The following SPMIP7 variants were observed in gnomAD, a reference collection of about 807,000 sequenced individuals.
The protein encoded by SPMIP7 is sperm microtubule inner protein 7, also known as protein SPMIP7.
the SPMIP7 span, among the ~76,000 whole-genome samples, chr7:50,139,948 C>T: frequency 2.0e-5 from 3 of 152,256 alleles, no homozygotes; most frequent in African/African-American, 7.2e-5. Flanking sequence ...TATATGATTC[C>T]ATTTATTTGA....
At chr7:50,151,123 T>G in the SPMIP7 span, among the ~76,000 whole-genome samples, 1 of 152,262 alleles carries the variant, frequency 6.6e-6, no homozygotes, top group African/African-American at 2.4e-5. Context: ...CAAGACCTGG[T>G]ATCTTCCTTC....
At chr7:50,125,583 ATGGTG>A in the SPMIP7 span, among the ~76,000 whole-genome samples, 14 of 110,276 alleles carry the variant, frequency 1.3e-4, no homozygotes, top group African/African-American at 4.5e-4. Context: ...TAAAGAAAAT[ATGGTG>A]TGTGTGTGTG....
At chr7:50,129,675 T>G in the SPMIP7 span, 1 of 1,267,088 alleles carries the variant, frequency 7.9e-7, no homozygotes, top group Non-Finnish European at 1.1e-6. Flanking sequence ...ACAATTTCCA[T>G]TTATATTTGG....
At chr7:50,158,943 C>T in the SPMIP7 span, 3 of 1,243,954 alleles carry the variant, frequency 2.4e-6, no homozygotes, top group Non-Finnish European at 3.4e-6. Flanking sequence ...GTGCGCGCTC[C>T]CCTCCCCTTC....
chr7:50,158,764 C>T, the SPMIP7 span, among the ~76,000 whole-genome samples: 1 of 152,048 alleles, frequency 6.6e-6, no homozygotes, highest in Non-Finnish European at 1.5e-5. Flanking sequence ...AGAGCTCTCC[C>T]CAGCGTGCCC....
chr7:50,110,782 T>A, the SPMIP7 span, among the ~76,000 whole-genome samples: 5 of 114,836 alleles, frequency 4.4e-5, no homozygotes, highest in Non-Finnish European at 8.3e-5. Flanking sequence ...TAATGTATAA[T>A]TATAACTAAT....
At chr7:50,102,047 G>A in the SPMIP7 span, among the ~76,000 whole-genome samples, 3 of 152,294 alleles carry the variant, frequency 2.0e-5, no homozygotes, top group South Asian at 2.1e-4. Flanking sequence ...TTTGCCGGGC[G>A]CAGCCGTGGC....
chr7:50,104,251 G>A, the SPMIP7 span: 1 of 733,302 alleles, frequency 1.4e-6, no homozygotes, highest in Non-Finnish European at 2.2e-6. Context: ...AAATATTTCT[G>A]TTGAAAAAGA....
the SPMIP7 span, chr7:50,140,154 C>A: frequency 1.3e-6 from 2 of 1,504,936 alleles, no homozygotes; most frequent in Non-Finnish European, 1.8e-6. Flanking sequence ...AGTTCAAGTT[C>A]TAGAAGTAAA....
At chr7:50,121,910 A>G in the SPMIP7 span, among the ~76,000 whole-genome samples, 1 of 151,376 alleles carries the variant, frequency 6.6e-6, no homozygotes, top group African/African-American at 2.4e-5. Context: ...TCCGGCCTCG[A>G]CCTCCCAAAG....
At chr7:50,158,900 C>G in the SPMIP7 span, 2 of 740,752 alleles carry the variant, frequency 2.7e-6, no homozygotes, top group Non-Finnish European at 4.4e-6. Context: ...CTGAGTGCTC[C>G]CCAGCACGAG....
the SPMIP7 span, among the ~76,000 whole-genome samples, chr7:50,118,091 T>C: frequency 8.5e-5 from 13 of 152,204 alleles, no homozygotes; most frequent in South Asian, 6.2e-4. Context: ...CTCTGTAAGA[T>C]TGATCCAAGT....
chr7:50,133,482 G>A, the SPMIP7 span, among the ~76,000 whole-genome samples: 2 of 152,136 alleles, frequency 1.3e-5, no homozygotes, highest in Non-Finnish European at 2.9e-5. Flanking sequence ...TCCTCTGAAG[G>A]TCAAATGAGC....
the SPMIP7 span, among the ~76,000 whole-genome samples, chr7:50,125,115 T>TATATATATATATATATATACAC: frequency 5.5e-4 from 14 of 25,416 alleles, no homozygotes; most frequent in South Asian, 0.011. Context: ...TATATATATA[T>TATATATATATATATATATACAC]ACACACACAC....
At chr7:50,147,471 T>C in the SPMIP7 span, among the ~76,000 whole-genome samples, 1 of 152,222 alleles carries the variant, frequency 6.6e-6, no homozygotes, top group African/African-American at 2.4e-5. Flanking sequence ...GTTGTGAGAA[T>C]TAAACAGTCA....
At chr7:50,109,079 A>G in the SPMIP7 span, among the ~76,000 whole-genome samples, 1 of 152,160 alleles carries the variant, frequency 6.6e-6, no homozygotes. Flanking sequence ...TTGCTTTAGT[A>G]TTGCACTATG....
At chr7:50,128,433 T>C in the SPMIP7 span, among the ~76,000 whole-genome samples, 1 of 151,946 alleles carries the variant, frequency 6.6e-6, no homozygotes, top group Non-Finnish European at 1.5e-5. Flanking sequence ...AATAATCTGT[T>C]GCACATTTCA....
chr7:50,136,486 C>T, the SPMIP7 span, among the ~76,000 whole-genome samples: 6 of 152,164 alleles, frequency 3.9e-5, no homozygotes, highest in South Asian at 2.1e-4. Flanking sequence ...GCTGAGATCA[C>T]GCCACTGCAC....
the SPMIP7 span, among the ~76,000 whole-genome samples, chr7:50,122,446 C>T: frequency 9.3e-5 from 14 of 150,808 alleles, no homozygotes; most frequent in East Asian, 2.1e-3. Context: ...AACGTTAGAC[C>T]TAAAACCATA....
Sources: allele counts gnomAD v4.1 joint callset (sites outside exome capture counted in the v4.1 genomes callset), GRCh38; gene constraint gnomAD v4.1.1; transcripts MANE v1.5; gene names NCBI Gene and HGNC (gene_info 2026-07-23, HGNC 2026-07-21).